Variants in MYO1H observed in about 807,000 individuals in gnomAD.
MYO1H encodes myosin IH.
In MYO1H, 118 loss-of-function variants were observed where a neutral mutation model predicts 149.3. The observed-to-expected ratio is 0.79, with a 90% confidence interval of 0.68 to 0.92. MYO1H has a LOEUF of 0.92. Among genes scored for constraint, MYO1H ranks in the 40% least tolerant of loss-of-function variants. The probability of loss-of-function intolerance (pLI) is 0.00; values close to 1 mark genes in which losing one functional copy is unlikely to be tolerated. For missense variants in MYO1H, 1,212 were observed against 1,280.7 expected (o/e 0.95, Z 0.82); for synonymous variants, 447 against 465.2 (o/e 0.96, Z 0.50).
intron 10 of MYO1H, among the ~76,000 whole-genome samples, chr12:109,409,225 T>TCC (rs1870538108): frequency 2.9e-5 from 3 of 105,100 alleles, no homozygotes; most frequent in Admixed American, 1.1e-4. Flanking sequence ...CCTTCTTCTT[T>TCC]TTCTTCTTCT....
Position 109,410,011 on chromosome 12 carries a change from GTTAA to G in MYO1H, c.1275_1278del (p.Ile426ArgfsTer4), listed in dbSNP as rs1870595736. 6.5e-7 allele frequency: 1 copy of G among 1,545,466 alleles called. No individual in the cohort carries two copies. Among genetic ancestry groups the G allele is most frequent in the East Asian group, 2.4e-5 (1 of 40,942 alleles). On this transcript the variant is annotated frameshift_variant, in exon 12 of 32. Transcript: ENST00000310903. LOFTEE classifies it high-confidence loss of function. ...ACTGCAATGAGAAACTCCAGCAACT[GTTAA>G]TTGAGAGGACTCTAAAAGCAGAACA...
intron 2 of MYO1H, among the ~76,000 whole-genome samples, chr12:109,391,837 T>C (rs1024127700): frequency 6.6e-6 from 1 of 152,250 alleles, no homozygotes; most frequent in African/African-American, 2.4e-5. Flanking sequence ...TTTTTTCATA[T>C]GATTGTTGGC....
chr12:109,340,718 A>T, the MYO1H span, among the ~76,000 whole-genome samples: 1 of 110,556 alleles, frequency 9.0e-6, no homozygotes, highest in South Asian at 2.5e-4. Flanking sequence ...ACAAAAGATT[A>T]GAAGGTTATT....
Position 109,400,415 on chromosome 12 carries a change from T to C in MYO1H, c.571-678T>C, listed in dbSNP as rs539546938. Among the ~76,000 whole-genome samples, 223 of 152,318 alleles carry C rather than the reference T, an allele frequency of 1.5e-3. 1 individual carries two copies. Among genetic ancestry groups the C allele is most frequent in the African/African-American group, 5.2e-3 (215 of 41,574 alleles). On this transcript the variant is annotated intron_variant, in intron 5 of 31. Coordinates refer to ENST00000310903, the Ensembl canonical transcript of MYO1H. The stretch of plus-strand genomic sequence containing the variant: ...GGGATATAGTGGTTTTTCACTGTGA[T>C]TTAAGTTTGTATCTCCCTGGTGATG...
At chr12:109,404,674 TA>T (rs1331187984) in intron 7 of MYO1H, among the ~76,000 whole-genome samples, 1 of 152,222 alleles carries the variant, frequency 6.6e-6, no homozygotes, top group Non-Finnish European at 1.5e-5. Flanking sequence ...TAAGTTTTCC[TA>T]ATATTGTGTG....
the MYO1H span, among the ~76,000 whole-genome samples, chr12:109,333,623 C>T: frequency 6.6e-6 from 1 of 152,086 alleles, no homozygotes; most frequent in Non-Finnish European, 1.5e-5. Context: ...TAAGTGTGTG[C>T]CAGGGCCTGG....
intron 1 of MYO1H, among the ~76,000 whole-genome samples, chr12:109,349,025 A>C (rs949964799): frequency 6.6e-6 from 1 of 152,226 alleles, no homozygotes; most frequent in African/African-American, 2.4e-5. Flanking sequence ...CTGAATGCCC[A>C]TAACAAAGTC....
chr12:109,311,113 T>A, the MYO1H span, among the ~76,000 whole-genome samples: 1 of 152,210 alleles, frequency 6.6e-6, no homozygotes, highest in Non-Finnish European at 1.5e-5. Context: ...TTCATTAAGG[T>A]GTAATTTTAT....
chr12:109,426,054 G>A lies in MYO1H; in HGVS notation c.1831+3G>A. On this transcript the variant is annotated splice_donor_region_variant and intron_variant, in intron 18 of 31. Coordinates refer to ENST00000310903, the Ensembl canonical transcript of MYO1H. ...GCCCAACGACAGGAAAGAACCCAGTGAGTTGTGGATCATTATGAACTGGGC... is the reference window on the plus strand; with the variant it reads ...GCCCAACGACAGGAAAGAACCCAGTAAGTTGTGGATCATTATGAACTGGGC... The A allele has an allele frequency of 1.2e-6, 2 of 1,607,664 alleles. No homozygotes were observed. Among genetic ancestry groups the A allele is most frequent in the South Asian group, 2.2e-5 (2 of 90,804 alleles).
At chr12:109,388,932 CT>C in intron 2 of MYO1H, 88 bp downstream of exon 2, 1 of 1,439,248 alleles carries the variant, frequency 6.9e-7, no homozygotes, top group Non-Finnish European at 9.4e-7. Context: ...TAATAGCACT[CT>C]ATTAGGTTAG....
intron 15 of MYO1H, among the ~76,000 whole-genome samples, chr12:109,416,379 G>GTTTTTT (rs397968119): frequency 2.8e-4 from 40 of 143,136 alleles, no homozygotes; most frequent in African/African-American, 8.0e-4. Context: ...GTTGTTGTTG[G>GTTTTTT]TTTTTTTTTT....
chr12:109,407,281 G>A (rs1870436338), intron 9 of MYO1H, among the ~76,000 whole-genome samples: 1 of 152,020 alleles, frequency 6.6e-6, no homozygotes, highest in Non-Finnish European at 1.5e-5. Flanking sequence ...TTCTTTGAAT[G>A]TCTCTCCATC....
At position 109,425,927 on chromosome 12, in the gene MYO1H, T is replaced by C; in HGVS notation, c.1726-19T>C. The C allele has an allele frequency of 6.6e-7, 1 of 1,521,040 alleles. No individual in the cohort carries two copies. The highest frequency in any genetic ancestry group is 2.3e-5 in the East Asian group (1 of 43,840). The allele number at this position is 1,521,040 out of a possible 1,614,324, so 94.2% of individuals were successfully genotyped here. A position where few individuals can be genotyped will look rare whatever the true frequency, so the allele number is the denominator to read the frequency against. The stretch of plus-strand genomic sequence containing the variant: ...ATCTCTCTGGCTCGTTCTCTCTCTC[T>C]TTCTCTCTCTCTCTGCAGGTGGGGA... On this transcript the variant is annotated intron_variant, in intron 17 of 31. Transcript: ENST00000310903.
the MYO1H span, among the ~76,000 whole-genome samples, chr12:109,310,611 G>T: frequency 3.7e-3 from 547 of 147,458 alleles, 5 homozygotes; most frequent in African/African-American, 0.013. Flanking sequence ...ACCTGTGACT[G>T]TTTTTTTTTT....
chr12:109,443,127 T>TAC (rs1872269375), intron 27 of MYO1H, among the ~76,000 whole-genome samples: 1 of 13,298 alleles, frequency 7.5e-5, no homozygotes, highest in East Asian at 4.3e-3. Flanking sequence ...TATGTGTACG[T>TAC]ATATATGTGT....
chr12:109,341,114 G>C, the MYO1H span, among the ~76,000 whole-genome samples: 24 of 151,026 alleles, frequency 1.6e-4, no homozygotes, highest in Non-Finnish European at 3.2e-4. Context: ...CTTGAATCTG[G>C]GAGGCGGAGG....
the MYO1H span, among the ~76,000 whole-genome samples, chr12:109,310,498 C>A: frequency 6.6e-6 from 1 of 152,228 alleles, no homozygotes; most frequent in Non-Finnish European, 1.5e-5. Context: ...ACCTCTGCGC[C>A]GCCCCCACCG....
intron 31 of MYO1H, 109 bp from the exon 32 acceptor site, chr12:109,447,050 A>G: frequency 1.8e-6 from 2 of 1,127,190 alleles, no homozygotes; most frequent in South Asian, 1.3e-5. Flanking sequence ...GGCTTCTCAC[A>G]GGCCCTCCAC....
chr12:109,426,128 T>C (rs1871344608), intron 18 of MYO1H, 77 bp downstream of exon 18: 1 of 935,196 alleles, frequency 1.1e-6, no homozygotes, highest in African/African-American at 1.6e-5. Context: ...TGGGTTGGGA[T>C]CCTAAACACC....
Sources: allele counts gnomAD v4.1 joint callset (sites outside exome capture counted in the v4.1 genomes callset), GRCh38; gene constraint gnomAD v4.1.1; transcripts MANE v1.5; gene names NCBI Gene and HGNC (gene_info 2026-07-23, HGNC 2026-07-21).